NRG1: variants seen among roughly 807,000 people sequenced by gnomAD.
The protein encoded by NRG1 is pro-neuregulin-1, membrane-bound isoform.
NRG1 carries 18 observed loss-of-function variants against 63.8 expected under a neutral mutation model. The ratio of observed to expected loss-of-function variants is 0.28; its 90% CI spans 0.19 to 0.42. The LOEUF is 0.42. NRG1 is among the 10% of genes least tolerant of loss of function. NRG1 has a pLI of 1.00. For missense variants in NRG1, 762 were observed against 814.7 expected (o/e 0.94, Z 0.79); for synonymous variants, 302 against 301.3 (o/e 1.00, Z -0.02).
intron 1 of NRG1, among the ~76,000 whole-genome samples, chr8:32,339,262 T>A (rs1454964812): frequency 6.6e-6 from 1 of 152,120 alleles, no homozygotes; most frequent in African/African-American, 2.4e-5. Flanking sequence ...TGGAGGCAAT[T>A]CAGTGGTATT....
intron 5 of NRG1, among the ~76,000 whole-genome samples, chr8:32,657,815 A>G (rs990238289): frequency 3.9e-5 from 6 of 152,182 alleles, no homozygotes; most frequent in Non-Finnish European, 8.8e-5. Context: ...AATCTTAAGA[A>G]TGATTAGTGG....
At chr8:32,389,923 C>A (rs1020606081) in intron 1 of NRG1, among the ~76,000 whole-genome samples, 1 of 152,000 alleles carries the variant, frequency 6.6e-6, no homozygotes, top group Admixed American at 6.6e-5. Flanking sequence ...CCATGCCCAG[C>A]CAATTTTTGT....
chr8:32,675,443 A>T (rs1209680015), intron 5 of NRG1, among the ~76,000 whole-genome samples: 1 of 152,222 alleles, frequency 6.6e-6, no homozygotes, highest in Non-Finnish European at 1.5e-5. Context: ...ACTTTTCATT[A>T]AGACTTTATT....
chr8:31,843,436 T>C (rs1339898433), intron 1 of NRG1, among the ~76,000 whole-genome samples: 1 of 152,174 alleles, frequency 6.6e-6, no homozygotes, highest in Non-Finnish European at 1.5e-5. Context: ...AAAGTAGTAA[T>C]TTTTTCTGAC....
intron 1 of NRG1, among the ~76,000 whole-genome samples, chr8:32,456,591 A>T (rs1821625407): frequency 6.6e-6 from 1 of 152,182 alleles, no homozygotes; most frequent in East Asian, 1.9e-4. Context: ...TGATTTTCTC[A>T]ATAAGTTTCC....
At chr8:32,334,283 C>A (rs906187994) in intron 1 of NRG1, among the ~76,000 whole-genome samples, 7 of 152,110 alleles carry the variant, frequency 4.6e-5, no homozygotes, top group African/African-American at 1.7e-4. Flanking sequence ...GGATTGGAAT[C>A]ATGAAAACTG....
chr8:31,922,891 T>C (rs1834031246), intron 1 of NRG1, among the ~76,000 whole-genome samples: 1 of 151,794 alleles, frequency 6.6e-6, no homozygotes, highest in African/African-American at 2.4e-5. Context: ...AAAAAGGAAG[T>C]AATAATAACA....
At chr8:32,454,573 C>CTTTTT (rs1158217383) in intron 1 of NRG1, among the ~76,000 whole-genome samples, 2 of 76,450 alleles carry the variant, frequency 2.6e-5, no homozygotes. Flanking sequence ...TCCCATCCCT[C>CTTTTT]TTTTTTTTTT....
intron 1 of NRG1, among the ~76,000 whole-genome samples, chr8:31,780,035 C>A (rs75232965): frequency 0.011 from 1,669 of 152,198 alleles, 34 homozygotes; most frequent in African/African-American, 0.038. Flanking sequence ...CTCTCTGATA[C>A]CCGCAGGTCA....
At chr8:32,046,860 T>C (rs151278070) in intron 1 of NRG1, among the ~76,000 whole-genome samples, 1 of 152,192 alleles carries the variant, frequency 6.6e-6, no homozygotes, top group Non-Finnish European at 1.5e-5. Context: ...ATGGTGATTA[T>C]ATAAATCTAT....
At chr8:32,661,235 ATGG>A (rs1802775544) in intron 5 of NRG1, among the ~76,000 whole-genome samples, 2 of 152,250 alleles carry the variant, frequency 1.3e-5, no homozygotes, top group African/African-American at 4.8e-5. Flanking sequence ...CTGTCATAAA[ATGG>A]TGGACAAATT....
intron 1 of NRG1, among the ~76,000 whole-genome samples, chr8:32,473,548 G>A (rs930550153): frequency 6.6e-6 from 1 of 151,996 alleles, no homozygotes; most frequent in Non-Finnish European, 1.5e-5. Context: ...ATTCCATCCT[G>A]GTTTCTAGAC....
At chr8:31,858,429 A>T (rs1828151475) in intron 1 of NRG1, among the ~76,000 whole-genome samples, 1 of 152,184 alleles carries the variant, frequency 6.6e-6, no homozygotes, top group African/African-American at 2.4e-5. Flanking sequence ...AGAGAAAATT[A>T]AAAAATCATT....
At chr8:31,717,752 C>G (rs1205363237) in intron 1 of NRG1, among the ~76,000 whole-genome samples, 3 of 151,828 alleles carry the variant, frequency 2.0e-5, no homozygotes, top group Non-Finnish European at 2.9e-5. Flanking sequence ...ATTTTAAGGC[C>G]CCCTCCAAAG....
At chr8:32,210,861 CTCTT>C (rs1844636933) in intron 1 of NRG1, among the ~76,000 whole-genome samples, 1 of 152,206 alleles carries the variant, frequency 6.6e-6, no homozygotes, top group South Asian at 2.1e-4. Context: ...ATGATATTCT[CTCTT>C]TCTTCTTTAA....
At chr8:31,973,312 A>T (rs1048063987) in intron 1 of NRG1, among the ~76,000 whole-genome samples, 8 of 152,216 alleles carry the variant, frequency 5.3e-5, no homozygotes, top group Non-Finnish European at 7.3e-5. Context: ...GTCATTAGAT[A>T]TCTTGTAGAT....
At chr8:32,372,308 T>A (rs192746638) in intron 1 of NRG1, among the ~76,000 whole-genome samples, 2 of 152,000 alleles carry the variant, frequency 1.3e-5, no homozygotes, top group Non-Finnish European at 2.9e-5. Flanking sequence ...TGAAATTTTT[T>A]TTTTTATGAT....
chr8:31,704,607 C>T (rs1041282188), intron 1 of NRG1, among the ~76,000 whole-genome samples: 16 of 151,750 alleles, frequency 1.1e-4, no homozygotes, highest in Admixed American at 1.0e-3. Flanking sequence ...CTGAGGCAGG[C>T]GGATCATGAG....
At chr8:31,716,670 T>C (rs1812377013) in intron 1 of NRG1, among the ~76,000 whole-genome samples, 1 of 152,240 alleles carries the variant, frequency 6.6e-6, no homozygotes. Flanking sequence ...TCTAGCTTTT[T>C]TCTCTGTATT....
Sources: gnomAD v4.1 joint callset for allele counts (sites outside exome capture counted in the v4.1 genomes callset) on GRCh38, gnomAD v4.1.1 for gene constraint, MANE v1.5 for transcripts, NCBI Gene and HGNC (gene_info 2026-07-23, HGNC 2026-07-21) for gene names.